RNF180: variants seen among roughly 807,000 people sequenced by gnomAD.
RNF180 encodes ring finger protein 180.
A neutral mutation model predicts 59.2 loss-of-function variants in RNF180; 38 were observed. The observed-to-expected ratio is 0.64, with a 90% CI of 0.50 to 0.84. The LOEUF (loss-of-function observed/expected upper bound fraction) is 0.84. RNF180 is among the 40% of genes least tolerant of loss of function. RNF180 has a pLI of 0.00. For synonymous variants in RNF180, 262 were observed against 240.3 expected (o/e 1.09, Z -0.84); for missense variants, 705 against 700.9 (o/e 1.01, Z -0.07).
intron 5 of RNF180, among the ~76,000 whole-genome samples, chr5:64,317,118 C>T (rs1002191735): frequency 3.3e-5 from 5 of 152,212 alleles, no homozygotes; most frequent in African/African-American, 1.2e-4. Flanking sequence ...CCACCCAGTT[C>T]AAACCCATGT....
rs1744080517 is a variant in RNF180 at position 64,317,128 on chromosome 5, T to TCAACTATATATA, written c.1228-8057_1228-8046dup. On this transcript the variant is annotated intron_variant, in intron 5 of 7. Coordinates refer to ENST00000389100, the MANE Select transcript of RNF180 (RefSeq NM_001113561.2). The stretch of plus-strand genomic sequence containing the variant: ...TGGACCCACCCAGTTCAAACCCATG[T>TCAACTATATATA]CAACTATATATATGTGTGTGCGTGT... Among the ~76,000 whole-genome samples, 5 of 152,278 alleles carry TCAACTATATATA rather than the reference T, an allele frequency of 3.3e-5. No homozygotes were observed. In the South Asian group the frequency reaches 1.0e-3, roughly 32 times the overall value.
At chr5:64,271,791 G>C (rs1289078914) in intron 5 of RNF180, among the ~76,000 whole-genome samples, 2 of 152,024 alleles carry the variant, frequency 1.3e-5, no homozygotes, top group East Asian at 3.9e-4. Flanking sequence ...TGGCAATCTA[G>C]AGTAGCAGTT....
chr5:64,200,657 C>G, intron 1 of RNF180, 151 bp from the exon 2 acceptor site: 1 of 588,672 alleles, frequency 1.7e-6, no homozygotes, highest in Non-Finnish European at 2.9e-6. Context: ...ATAGAGTGCC[C>G]CAAACCTAAG....
intron 1 of RNF180, among the ~76,000 whole-genome samples, chr5:64,192,528 T>C (rs1477409303): frequency 1.3e-5 from 2 of 151,818 alleles, no homozygotes; most frequent in African/African-American, 4.8e-5. Flanking sequence ...AAAAATTACC[T>C]GGGCGTGGTG....
At chr5:64,355,568 A>T (rs1359509754) in intron 7 of RNF180, among the ~76,000 whole-genome samples, 1 of 151,960 alleles carries the variant, frequency 6.6e-6, no homozygotes, top group East Asian at 1.9e-4. Context: ...TGATCTTCAA[A>T]TTCATCCAGA....
At chr5:64,275,526 CTTT>C (rs1046523544) in intron 5 of RNF180, among the ~76,000 whole-genome samples, 3 of 151,384 alleles carry the variant, frequency 2.0e-5, no homozygotes, top group Non-Finnish European at 2.9e-5. Flanking sequence ...AGAAAATATA[CTTT>C]TTATTACTTT....
rs1245069758 is a variant in RNF180 at position 64,282,574 on chromosome 5, T to C, written c.1228-42612T>C. 3.9e-5 allele frequency among the ~76,000 whole-genome samples: 6 copies of C among 152,324 alleles called. No homozygotes were observed. The East Asian group carries it at 7.7e-4, about 20-fold the overall frequency. On this transcript the variant is annotated intron_variant, in intron 5 of 7. Coordinates refer to ENST00000389100, the MANE Select transcript of RNF180 (RefSeq NM_001113561.2). ...CTGATTTTGGTTATTTATTGTCTTC[T>C]AGCTTTGGAGTTGTTTTGCTGTTAT...
intron 4 of RNF180, among the ~76,000 whole-genome samples, chr5:64,217,004 C>T (rs761634418): frequency 6.6e-6 from 1 of 152,098 alleles, no homozygotes; most frequent in Non-Finnish European, 1.5e-5. Context: ...ATGCTCATCC[C>T]GTCCCTAATC....
intron 5 of RNF180, among the ~76,000 whole-genome samples, chr5:64,270,319 A>G (rs986013071): frequency 3.3e-5 from 5 of 152,172 alleles, no homozygotes; most frequent in African/African-American, 4.8e-5. Flanking sequence ...TCAATTTGAC[A>G]GTAATTTGCT....
chr5:64,262,162 G>A (rs751593199), intron 5 of RNF180, among the ~76,000 whole-genome samples: 6 of 151,810 alleles, frequency 4.0e-5, no homozygotes, highest in Non-Finnish European at 5.9e-5. Context: ...CTTACTAAGG[G>A]GATACAAATT....
At position 64,288,914 on chromosome 5, in the gene RNF180, C is replaced by T. The variant is rs564182768; in HGVS notation, c.1228-36272C>T. Among the ~76,000 whole-genome samples the T allele has an allele frequency of 9.8e-5, 15 of 152,314 alleles. 2 individuals are homozygous for T. The highest frequency in any genetic ancestry group is 3.6e-4 in the African/African-American group (15 of 41,552). ...TCTTGCCTGATTGCCCTGACCAGAA[C>T]TTCTAATACTATGTTGAATAGGAGT... On this transcript the variant is annotated intron_variant, in intron 5 of 7. Coordinates refer to ENST00000389100, the MANE Select transcript of RNF180 (RefSeq NM_001113561.2).
intron 5 of RNF180, among the ~76,000 whole-genome samples, chr5:64,253,631 A>AATT (rs879883232): frequency 6.6e-6 from 1 of 152,146 alleles, no homozygotes; most frequent in Admixed American, 6.6e-5. Flanking sequence ...TAAAGACAAT[A>AATT]GAGTCTCAGG....
At chr5:64,339,693 GTTTT>G (rs999196616) in intron 7 of RNF180, among the ~76,000 whole-genome samples, 1 of 145,652 alleles carries the variant, frequency 6.9e-6, no homozygotes, top group Admixed American at 6.9e-5. Flanking sequence ...AAATTAGTGG[GTTTT>G]TTTTTTTCAC....
intron 6 of RNF180, among the ~76,000 whole-genome samples, chr5:64,329,380 A>G (rs189771284): frequency 8.1e-4 from 124 of 152,264 alleles, no homozygotes; most frequent in African/African-American, 2.9e-3. Flanking sequence ...CAAGGAATTA[A>G]GCGGAGGATG....
chr5:64,355,247 T>A (rs1745971541), intron 7 of RNF180, among the ~76,000 whole-genome samples: 1 of 151,802 alleles, frequency 6.6e-6, no homozygotes, highest in Non-Finnish European at 1.5e-5. Flanking sequence ...GATCAGCACA[T>A]AAAAATCAGT....
intron 1 of RNF180, among the ~76,000 whole-genome samples, chr5:64,191,813 C>G (rs1407914106): frequency 6.6e-6 from 1 of 152,036 alleles, no homozygotes; most frequent in Non-Finnish European, 1.5e-5. Context: ...TTTTACTTGT[C>G]TATTTTTGGT....
At chr5:64,272,685 A>T (rs1208845643) in intron 5 of RNF180, among the ~76,000 whole-genome samples, 1 of 152,060 alleles carries the variant, frequency 6.6e-6, no homozygotes, top group African/African-American at 2.4e-5. Context: ...CAAGTGAGAG[A>T]GAGTGGTGGT....
chr5:64,255,927 G>A (rs1186826326), intron 5 of RNF180, among the ~76,000 whole-genome samples: 2 of 152,296 alleles, frequency 1.3e-5, no homozygotes, highest in Non-Finnish European at 2.9e-5. Flanking sequence ...TTGTGGTTTT[G>A]ATTTGCATTT....
chr5:64,222,871 C>G lies in RNF180; in HGVS notation c.1227+5475C>G, dbSNP rs565312269. Among the ~76,000 whole-genome samples the G allele has an allele frequency of 9.9e-5, 15 of 152,224 alleles. 2 individuals carry two copies. The highest frequency in any genetic ancestry group is 3.6e-4 in the African/African-American group (15 of 41,536). On this transcript the variant is annotated intron_variant, in intron 5 of 7. Coordinates refer to ENST00000389100, the MANE Select transcript of RNF180 (RefSeq NM_001113561.2). Reference sequence around the variant, plus strand: ...AAGACTACAGAGATAAAATGCCATTCTTTATTAGAAGAATACATACTATCA... The same window carrying G: ...AAGACTACAGAGATAAAATGCCATTGTTTATTAGAAGAATACATACTATCA...
Sources: gnomAD v4.1 joint callset for allele counts (sites outside exome capture counted in the v4.1 genomes callset) on GRCh38, gnomAD v4.1.1 for gene constraint, MANE v1.5 for transcripts, NCBI Gene and HGNC (gene_info 2026-07-23, HGNC 2026-07-21) for gene names.